The following CIMIP7 variants were observed in gnomAD, a reference collection of about 807,000 sequenced individuals.
The protein encoded by CIMIP7 is ciliary microtubule inner protein 7.
At chr3:49,180,713 G>A in the CIMIP7 span, among the ~76,000 whole-genome samples, 6 of 150,674 alleles carry the variant, frequency 4.0e-5, no homozygotes, top group South Asian at 4.2e-4. Context: ...GGCGGATCAC[G>A]AGGTCAGGAG....
the CIMIP7 span, among the ~76,000 whole-genome samples, chr3:49,185,471 T>C: frequency 0.73 from 110,205 of 150,556 alleles, 40,725 homozygotes; most frequent in East Asian, 0.99. Flanking sequence ...GAGGCTGAGG[T>C]GGGAGATTTG....
the CIMIP7 span, chr3:49,191,802 T>C: frequency 1.3e-6 from 2 of 1,540,504 alleles, no homozygotes; most frequent in Non-Finnish European, 1.7e-6. Flanking sequence ...AAAGGCAAAC[T>C]TTCCTCTTGT....
chr3:49,191,164 T>C, the CIMIP7 span, among the ~76,000 whole-genome samples: 1 of 152,118 alleles, frequency 6.6e-6, no homozygotes, highest in African/African-American at 2.4e-5. Flanking sequence ...TCCACAATTA[T>C]AACACTGAGC....
the CIMIP7 span, among the ~76,000 whole-genome samples, chr3:49,186,546 G>A: frequency 3.4e-3 from 518 of 152,218 alleles, 2 homozygotes; most frequent in African/African-American, 0.012. Context: ...TGGGACTACA[G>A]GCGCCCGCCA....
At chr3:49,177,838 G>A in the CIMIP7 span, 1 of 1,613,212 alleles carries the variant, frequency 6.2e-7, no homozygotes, top group African/African-American at 1.3e-5. Context: ...GGTGGTCCTG[G>A]TATGGGAAGG....
chr3:49,180,933 A>C, the CIMIP7 span, among the ~76,000 whole-genome samples: 1 of 146,380 alleles, frequency 6.8e-6, no homozygotes, highest in African/African-American at 2.5e-5. Flanking sequence ...CCGTCTCAAA[A>C]AAAAAAAAAA....
the CIMIP7 span, among the ~76,000 whole-genome samples, chr3:49,178,925 C>T: frequency 6.6e-6 from 1 of 152,180 alleles, no homozygotes; most frequent in East Asian, 1.9e-4. Flanking sequence ...ACATACCCAG[C>T]CTCTTGGCTC....
chr3:49,189,789 G>C, the CIMIP7 span: 1 of 668,846 alleles, frequency 1.5e-6, no homozygotes, highest in Non-Finnish European at 2.9e-6. Flanking sequence ...ACCCCGGCTA[G>C]GCCCTTACCC....
chr3:49,178,604 A>G, the CIMIP7 span: 2 of 1,414,512 alleles, frequency 1.4e-6, no homozygotes, highest in Admixed American at 3.7e-5. Flanking sequence ...CCTTACCTGG[A>G]TCACTGCCTC....
At chr3:49,184,626 A>ATTTTTT in the CIMIP7 span, among the ~76,000 whole-genome samples, 1 of 133,644 alleles carries the variant, frequency 7.5e-6, no homozygotes, top group Non-Finnish European at 1.6e-5. Context: ...GGCCTATGTA[A>ATTTTTT]TTTTTTTTTT....
chr3:49,186,944 G>A, the CIMIP7 span, among the ~76,000 whole-genome samples: 4 of 152,114 alleles, frequency 2.6e-5, no homozygotes, highest in Non-Finnish European at 5.9e-5. Context: ...TTCAATGAAA[G>A]TTTCAATTAA....
chr3:49,182,811 G>A, the CIMIP7 span, among the ~76,000 whole-genome samples: 490 of 152,310 alleles, frequency 3.2e-3, 3 homozygotes, highest in African/African-American at 0.011. Flanking sequence ...GCCCTGCCCC[G>A]CGGGAAGGCA....
the CIMIP7 span, among the ~76,000 whole-genome samples, chr3:49,188,883 T>C: frequency 1.3e-5 from 2 of 152,058 alleles, no homozygotes; most frequent in African/African-American, 2.4e-5. Context: ...CTGCAACTTC[T>C]GCCTCCCAGG....
chr3:49,185,490 C>T, the CIMIP7 span, among the ~76,000 whole-genome samples: 2 of 151,762 alleles, frequency 1.3e-5, no homozygotes, highest in East Asian at 1.9e-4. Flanking sequence ...TGCTTGAACC[C>T]GGGAGGCAGA....
the CIMIP7 span, among the ~76,000 whole-genome samples, chr3:49,182,207 G>C: frequency 3.9e-5 from 6 of 152,224 alleles, no homozygotes; most frequent in East Asian, 3.8e-4. Flanking sequence ...GGACCAAAGC[G>C]GGTTGCCACT....
chr3:49,187,049 G>A, the CIMIP7 span, among the ~76,000 whole-genome samples: 1 of 152,200 alleles, frequency 6.6e-6, no homozygotes, highest in Admixed American at 6.5e-5. Context: ...GCCCTAGAAT[G>A]TACATGTCTT....
At chr3:49,179,737 G>T in the CIMIP7 span, among the ~76,000 whole-genome samples, 1 of 152,112 alleles carries the variant, frequency 6.6e-6, no homozygotes, top group Non-Finnish European at 1.5e-5. Flanking sequence ...CTCATGCCCC[G>T]CCATTAAACA....
At chr3:49,189,796 A>C in the CIMIP7 span, 2 of 686,054 alleles carry the variant, frequency 2.9e-6, no homozygotes, top group Non-Finnish European at 5.6e-6. Context: ...CTAGGCCCTT[A>C]CCCTTTGTCC....
chr3:49,182,252 T>G, the CIMIP7 span, among the ~76,000 whole-genome samples: 2 of 152,080 alleles, frequency 1.3e-5, no homozygotes, highest in Admixed American at 6.6e-5. Flanking sequence ...TGCTCTTATC[T>G]GGCCCCACCC....
Sources: gnomAD v4.1 joint callset for allele counts (sites outside exome capture counted in the v4.1 genomes callset) on GRCh38, gnomAD v4.1.1 for gene constraint, MANE v1.5 for transcripts, NCBI Gene and HGNC (gene_info 2026-07-23, HGNC 2026-07-21) for gene names.